The following CCDC3 variants were observed in gnomAD, a reference collection of about 807,000 sequenced individuals.
The protein encoded by CCDC3 is coiled-coil domain containing 3.
A neutral mutation model predicts 21.4 loss-of-function variants in CCDC3; 24 were observed. The ratio of observed to expected loss-of-function variants is 1.12; its 90% CI spans 0.81 to 1.58. The LOEUF is 1.58. Among genes scored for constraint, CCDC3 ranks in the 40% most tolerant of loss-of-function variants. CCDC3 has a pLI of 0.00. For synonymous variants in CCDC3, 186 were observed against 166.0 expected (o/e 1.12, Z -0.93); for missense variants, 425 against 360.9 (o/e 1.18, Z -1.44).
At chr10:13,072,852 T>A (rs993421501) in intron 4 of CCDC3, among the ~76,000 whole-genome samples, 165 of 113,670 alleles carry the variant, frequency 1.5e-3, no homozygotes, top group East Asian at 1.5e-3. Flanking sequence ...TCATTTCTTT[T>A]CTTTTCTTTT....
chr10:13,088,490 A>G (rs1401824602), intron 3 of CCDC3, among the ~76,000 whole-genome samples: 1 of 152,188 alleles, frequency 6.6e-6, no homozygotes, highest in Non-Finnish European at 1.5e-5. Context: ...GTCTCCAAGG[A>G]GCATGAATCA....
intron 3 of CCDC3, among the ~76,000 whole-genome samples, chr10:13,074,710 A>G (rs1216386040): frequency 2.6e-5 from 4 of 152,124 alleles, no homozygotes; most frequent in Non-Finnish European, 4.4e-5. Flanking sequence ...GTGCACACAC[A>G]TACACACACT....
chr10:12,921,217 G>A (rs1834445638), intron 2 of CCDC3, among the ~76,000 whole-genome samples: 2 of 152,202 alleles, frequency 1.3e-5, no homozygotes, highest in African/African-American at 4.8e-5. Flanking sequence ...GGAGGCAATT[G>A]AGGAAGGATG....
At chr10:13,079,450 CA>C (rs36060567) in intron 3 of CCDC3, among the ~76,000 whole-genome samples, 113,540 of 152,080 alleles carry the variant, frequency 0.75, 42,703 homozygotes, top group Middle Eastern at 0.83. Flanking sequence ...GCCAGTAAAG[CA>C]ATTCCTTAGT....
At chr10:12,900,596 C>T (rs1428011440) in intron 2 of CCDC3, among the ~76,000 whole-genome samples, 1 of 142,754 alleles carries the variant, frequency 7.0e-6, no homozygotes, top group African/African-American at 2.6e-5. Context: ...GAGGCTGAGG[C>T]AGGAGAATGG....
chr10:13,097,249 T>C (rs1426396052), intron 3 of CCDC3, among the ~76,000 whole-genome samples: 1 of 152,222 alleles, frequency 6.6e-6, no homozygotes, highest in Non-Finnish European at 1.5e-5. Flanking sequence ...CCCATGGAAG[T>C]GTGCAGGAAG....
chr10:13,016,046 A>G (rs1362379821), intron 5 of CCDC3, among the ~76,000 whole-genome samples: 1 of 152,122 alleles, frequency 6.6e-6, no homozygotes, highest in Admixed American at 6.5e-5. Flanking sequence ...ATATCAAAAT[A>G]TCTCATGTAA....
At chr10:13,058,053 A>C in intron 4 of CCDC3, 1 of 749,324 alleles carries the variant, frequency 1.3e-6, no homozygotes, top group Non-Finnish European at 2.4e-6. Flanking sequence ...ATTAAGTAGC[A>C]CATGTAATCT....
intron 3 of CCDC3, among the ~76,000 whole-genome samples, chr10:13,078,088 G>T (rs533682001): frequency 2.6e-5 from 4 of 152,144 alleles, no homozygotes; most frequent in African/African-American, 9.7e-5. Context: ...CAGAATGGAA[G>T]AAAATTTTTA....
intron 1 of CCDC3, among the ~76,000 whole-genome samples, chr10:12,999,037 C>G (rs574638514): frequency 6.6e-6 from 1 of 152,066 alleles, no homozygotes; most frequent in African/African-American, 2.4e-5. Flanking sequence ...GTCAGGAGTT[C>G]GAGACCAGCC....
chr10:12,904,546 C>T (rs942847664), intron 2 of CCDC3, among the ~76,000 whole-genome samples: 9 of 146,816 alleles, frequency 6.1e-5, no homozygotes, highest in African/African-American at 2.2e-4. Context: ...GACCACAGGC[C>T]AATGGGGAGG....
In CCDC3 at chr10:13,093,274, T is replaced by C. The variant is rs140182965; in HGVS notation, c.-503+5251A>G. Among the ~76,000 whole-genome samples, 76 of 152,146 alleles carry C rather than the reference T, an allele frequency of 5.0e-4. No homozygotes were observed. In the East Asian group the frequency reaches 0.013, roughly 25 times the overall value. ...ACATGGCGGCAGGCAAGAGAGAGAA[T>C]GAGAACCAAGTGAAAGGGGTTTCCC... On this transcript the variant is annotated intron_variant, in intron 3 of 6. Coordinates refer to the CCDC3 transcript ENST00000378839.
At chr10:12,904,808 C>T (rs772021541) in intron 2 of CCDC3, among the ~76,000 whole-genome samples, 3 of 152,028 alleles carry the variant, frequency 2.0e-5, no homozygotes, top group African/African-American at 4.8e-5. Context: ...ATTTCCAAAG[C>T]GTTTTGGCTT....
intron 3 of CCDC3, among the ~76,000 whole-genome samples, chr10:13,089,389 T>C (rs1294328020): frequency 6.6e-6 from 1 of 152,188 alleles, no homozygotes; most frequent in African/African-American, 2.4e-5. Flanking sequence ...TATTGTTATA[T>C]TCTTTGAAGT....
intron 3 of CCDC3, among the ~76,000 whole-genome samples, chr10:13,089,774 C>T (rs1327641810): frequency 6.6e-6 from 1 of 151,740 alleles, no homozygotes; most frequent in Non-Finnish European, 1.5e-5. Context: ...TTTTGGTGCT[C>T]CCATCACCCG....
At position 12,963,155 on chromosome 10, in the gene CCDC3, A is replaced by G. The variant is rs114934484; in HGVS notation, c.549+35183T>C. ...GAGGCAATTGAGACTGGGTTTCATT[A>G]ACACATTAAGCGATCATATTTTTTC... On this transcript the variant is annotated intron_variant, in intron 2 of 2. Coordinates refer to ENST00000378825, the MANE Select transcript of CCDC3 (RefSeq NM_031455.4). Among the ~76,000 whole-genome samples, 159 of 152,340 alleles carry G rather than the reference A, an allele frequency of 1.0e-3. 1 individual carries two copies. The highest frequency in any genetic ancestry group is 3.6e-3 in the African/African-American group (151 of 41,572).
chr10:12,904,169 C>G (rs955944955), intron 2 of CCDC3, among the ~76,000 whole-genome samples: 8 of 152,036 alleles, frequency 5.3e-5, no homozygotes, highest in Non-Finnish European at 1.0e-4. Context: ...ACTCACTAGG[C>G]AAGACTGGCT....
At chr10:12,954,390 T>C (rs932403429) in intron 2 of CCDC3, among the ~76,000 whole-genome samples, 3 of 152,240 alleles carry the variant, frequency 2.0e-5, no homozygotes, top group African/African-American at 7.2e-5. Context: ...ATGTAGATTA[T>C]CAAATTACGT....
intron 2 of CCDC3, among the ~76,000 whole-genome samples, chr10:12,984,312 C>T (rs1292937878): frequency 1.3e-5 from 2 of 152,178 alleles, no homozygotes; most frequent in Admixed American, 6.5e-5. Context: ...AGATGCTCGA[C>T]ATCATGAGTC....
Sources: allele counts gnomAD v4.1 joint callset (sites outside exome capture counted in the v4.1 genomes callset), GRCh38; gene constraint gnomAD v4.1.1; transcripts MANE v1.5; gene names NCBI Gene and HGNC (gene_info 2026-07-23, HGNC 2026-07-21).